CAMKK2: variants seen among roughly 807,000 people sequenced by gnomAD.
CAMKK2 encodes the protein calcium/calmodulin dependent protein kinase kinase 2.
A neutral mutation model predicts 67.2 loss-of-function variants in CAMKK2; 30 were observed. The observed-to-expected ratio is 0.45, with a 90% CI of 0.33 to 0.61. The LOEUF is 0.61. Among genes scored for constraint, CAMKK2 ranks in the 20% least tolerant of loss-of-function variants. CAMKK2 has a pLI of 0.02. For synonymous variants in CAMKK2, 322 were observed against 326.2 expected (o/e 0.99, Z 0.14); for missense variants, 643 against 802.0 (o/e 0.80, Z 2.39).
intron 5 of CAMKK2, among the ~76,000 whole-genome samples, chr12:121,265,117 A>G (rs58039267): frequency 0.047 from 7,177 of 152,264 alleles, 530 homozygotes; most frequent in African/African-American, 0.16. Context: ...TGCAGTAAAC[A>G]ATAGGCAGTC....
At chr12:121,286,012 A>G (rs1898673130) in intron 1 of CAMKK2, among the ~76,000 whole-genome samples, 1 of 152,212 alleles carries the variant, frequency 6.6e-6, no homozygotes, top group African/African-American at 2.4e-5. Context: ...GATGGAAAAG[A>G]GCTGAGGTTG....
chr12:121,248,300 G>T (rs1440204600), intron 14 of CAMKK2, among the ~76,000 whole-genome samples: 1 of 152,212 alleles, frequency 6.6e-6, no homozygotes, highest in African/African-American at 2.4e-5. Flanking sequence ...AGAGACCTGG[G>T]CTCCGGCTCC....
chr12:121,252,417 C>T (rs913599890), intron 11 of CAMKK2, among the ~76,000 whole-genome samples: 5 of 152,190 alleles, frequency 3.3e-5, no homozygotes, highest in African/African-American at 9.6e-5. Flanking sequence ...TATAGGCATG[C>T]GCCATCACGC....
upstream of CAMKK2, chr12:121,296,978 A>G (rs140170021): frequency 6.8e-3 from 1,032 of 152,866 alleles, 16 homozygotes; most frequent in South Asian, 0.036. This position sits in a 1 kb window ranked among gnomAD's most constrained non-coding sequence, Gnocchi z 7.1. Flanking sequence ...GGCAAGGAGC[A>G]GAAAGGGAGG....
rs763928770 is a variant in CAMKK2, at chr12:121,245,132, C to A, written c.1553+8G>T. On this transcript the variant is annotated splice_region_variant and intron_variant, in intron 15 of 16. Coordinates refer to ENST00000404169, the MANE Select transcript of CAMKK2 (RefSeq NM_001270485.2). This position sits in a 1 kb window ranked among gnomAD's most constrained non-coding sequence, Gnocchi z 5.8. ...CTCCCCCACCCAAGAAGGCAGGCGG[C>A]CACTCACGTGAGCAAGTTTCCAGGC... The A allele has an allele frequency of 1.9e-6, 3 of 1,579,464 alleles. No individual in the cohort carries two copies. The highest frequency in any genetic ancestry group is 2.6e-6 in the Non-Finnish European group (3 of 1,159,064).
chr12:121,278,771 C>T (rs776540966), intron 1 of CAMKK2, among the ~76,000 whole-genome samples: 2 of 152,202 alleles, frequency 1.3e-5, no homozygotes. Context: ...TGCCCAGTCT[C>T]GGGTATGTCT....
intron 1 of CAMKK2, among the ~76,000 whole-genome samples, chr12:121,288,702 G>A (rs542382899): frequency 3.0e-4 from 45 of 152,138 alleles, no homozygotes; most frequent in East Asian, 1.4e-3. Flanking sequence ...GTGGGCAGAG[G>A]GGCAACACCT....
At chr12:121,294,090 G>A (rs1046010265) in intron 1 of CAMKK2, among the ~76,000 whole-genome samples, 1 of 151,814 alleles carries the variant, frequency 6.6e-6, no homozygotes, top group Non-Finnish European at 1.5e-5. Context: ...GTGCCACCAC[G>A]CCCAGCTAAT....
At chr12:121,281,942 T>C (rs1013557743) in intron 1 of CAMKK2, among the ~76,000 whole-genome samples, 58 of 152,168 alleles carry the variant, frequency 3.8e-4, no homozygotes, top group African/African-American at 1.3e-3. Context: ...CGAGAGTCCA[T>C]CTTGAAAAAG....
chr12:121,249,890 C>T lies in CAMKK2; in HGVS notation c.1236-16G>A, dbSNP rs186776875. ...TATGTCGGGCCTGGGGATGGAGAGGCGTCAGGGTGGCAGACACGGGACCGC... is the reference window on the plus strand; with the variant it reads ...TATGTCGGGCCTGGGGATGGAGAGGTGTCAGGGTGGCAGACACGGGACCGC... On this transcript the variant is annotated splice_polypyrimidine_tract_variant and intron_variant, in intron 12 of 16. Transcript: ENST00000404169. 1.2e-5 allele frequency: 19 copies of T among 1,613,386 alleles called. No individual in the cohort carries two copies. The highest frequency in any genetic ancestry group is 8.0e-5 in the African/African-American group (6 of 75,018).
chr12:121,278,662 T>C (rs1897218884), intron 1 of CAMKK2, among the ~76,000 whole-genome samples: 1 of 152,236 alleles, frequency 6.6e-6, no homozygotes, highest in Non-Finnish European at 1.5e-5. Flanking sequence ...CTGCCGTCCA[T>C]GTAAGACCGG....
intron 1 of CAMKK2, among the ~76,000 whole-genome samples, chr12:121,281,576 G>A (rs748408360): frequency 1.1e-4 from 17 of 152,192 alleles, no homozygotes; most frequent in Non-Finnish European, 1.9e-4. Context: ...CAATGATCAC[G>A]TGCTGGATAA....
chr12:121,288,579 C>G (rs887040689), intron 1 of CAMKK2, among the ~76,000 whole-genome samples: 3 of 152,156 alleles, frequency 2.0e-5, no homozygotes, highest in African/African-American at 7.2e-5. Context: ...TGCACCCTGG[C>G]CCCCGCAAAA....
chr12:121,295,959 T>C (rs1426652982), intron 1 of CAMKK2, among the ~76,000 whole-genome samples: 1 of 152,020 alleles, frequency 6.6e-6, no homozygotes, highest in Non-Finnish European at 1.5e-5. Flanking sequence ...CTGGGTCCAG[T>C]GTCCCTGAGA....
At chr12:121,255,494 A>G (rs1892070011) in intron 9 of CAMKK2, 56 bp downstream of exon 9, 1 of 1,445,320 alleles carries the variant, frequency 6.9e-7, no homozygotes, top group Non-Finnish European at 9.6e-7. Flanking sequence ...CTTTGCACCC[A>G]CGCTCAGAAT....
intron 1 of CAMKK2, among the ~76,000 whole-genome samples, chr12:121,294,974 A>C (rs1028971421): frequency 2.0e-5 from 3 of 152,198 alleles, no homozygotes; most frequent in African/African-American, 7.2e-5. Flanking sequence ...GTTCAAGACC[A>C]GCCTGACCAA....
In CAMKK2 at chr12:121,240,875, C is replaced by T. The variant is rs780877435; in HGVS notation, c.1597-6G>A. The T allele has an allele frequency of 3.1e-6, 5 of 1,612,066 alleles. No homozygotes were observed. Among genetic ancestry groups the T allele is most frequent in the Non-Finnish European group, 3.4e-6 (4 of 1,179,868 alleles). ...TGTCTTCGCTGCCTTGCTTCCTGCT[C>T]ACCGAACAGAAAACCAACATTAAGA... is the stretch of plus-strand genomic sequence containing the variant. On this transcript the variant is annotated splice_polypyrimidine_tract_variant and splice_region_variant and intron_variant, in intron 16 of 16. Coordinates refer to ENST00000404169, the MANE Select transcript of CAMKK2 (RefSeq NM_001270485.2). The surrounding 1 kb of genome is among the most constrained non-coding windows in gnomAD (Gnocchi z 4.4).
At chr12:121,293,688 C>T (rs1473757799) in intron 1 of CAMKK2, among the ~76,000 whole-genome samples, 2 of 151,886 alleles carry the variant, frequency 1.3e-5, no homozygotes, top group South Asian at 4.2e-4. Context: ...AAGTTCCCTG[C>T]TAGGTCACCC....
intron 1 of CAMKK2, among the ~76,000 whole-genome samples, chr12:121,286,913 C>T (rs575179487): frequency 6.0e-5 from 9 of 150,908 alleles, no homozygotes; most frequent in South Asian, 2.1e-4. Flanking sequence ...TTTTGGGGGG[C>T]GGGGCGGTTG....
Sources: gnomAD v4.1 joint callset for allele counts (sites outside exome capture counted in the v4.1 genomes callset) on GRCh38, gnomAD v4.1.1 for gene constraint, Gnocchi (gnomAD v3.1) non-coding constraint, MANE v1.5 for transcripts, NCBI Gene and HGNC (gene_info 2026-07-23, HGNC 2026-07-21) for gene names.